Variants in CDCA4 observed in about 807,000 individuals in gnomAD.
CDCA4 encodes the protein cell division cycle associated 4.
For missense variants in CDCA4, 294 were observed against 322.1 expected (o/e 0.91, Z 0.67); for synonymous variants, 130 against 137.0 (o/e 0.95, Z 0.36).
intron 1 of CDCA4, among the ~76,000 whole-genome samples, chr14:105,013,383 C>G (rs1007468812): frequency 6.6e-6 from 1 of 152,216 alleles, no homozygotes; most frequent in Admixed American, 6.5e-5. Context: ...ACAGGACAAG[C>G]ATCTCACGCA....
Position 105,011,746 on chromosome 14 carries a change from T to A in CDCA4, c.184A>T (p.Ile62Phe). The A allele has an allele frequency of 6.2e-7, 1 of 1,613,728 alleles. No homozygotes were observed. Among genetic ancestry groups the A allele is most frequent in the Non-Finnish European group, 8.5e-7 (1 of 1,180,040 alleles). The change falls in exon 2 of 2, where the codon ATT becomes TTT. Residue 62 changes from isoleucine to phenylalanine, a missense_variant. Coordinates refer to ENST00000336219, the MANE Select transcript of CDCA4 (RefSeq NM_017955.4). The stretch of plus-strand genomic sequence containing the variant: ...TGGATCTGCCGGACCGTGTTGGCAA[T>A]GAGGACTGAGCGGCACAGGTTGGGC... The part of the protein sequence containing the change: ...VEPNLCRSVL[I>F]ANTVRQIQEE...
chr14:105,017,680 G>A (rs1449891453), intron 1 of CDCA4, among the ~76,000 whole-genome samples: 1 of 151,920 alleles, frequency 6.6e-6, no homozygotes, highest in Non-Finnish European at 1.5e-5. Context: ...AAATACAAAA[G>A]ATTAGTCAGG....
At chr14:105,013,177 A>C (rs2140908909) in intron 1 of CDCA4, among the ~76,000 whole-genome samples, 1 of 152,034 alleles carries the variant, frequency 6.6e-6, no homozygotes, top group Non-Finnish European at 1.5e-5. Flanking sequence ...GTCTACTCTC[A>C]GAAGTACAAG....
chr14:105,011,037 A>C lies in CDCA4; in HGVS notation c.*167T>G. On this transcript the variant is annotated 3_prime_UTR_variant, in exon 2 of 2. Transcript: ENST00000336219. ...GCTCCACAGGGGGGAGGTGAGTGGG[A>C]CGGGCCTAGGGCTGCAGCCCCACTG... The C allele has an allele frequency of 1.3e-6, 1 of 793,212 alleles. No individual in the cohort carries two copies. Among genetic ancestry groups the C allele is most frequent in the Non-Finnish European group, 1.9e-6 (1 of 515,560 alleles). The allele number at this position is 793,212 out of a possible 1,614,324, so 49.1% of individuals were successfully genotyped here.
intron 1 of CDCA4, among the ~76,000 whole-genome samples, chr14:105,012,520 G>A (rs1351553425): frequency 6.6e-6 from 1 of 152,184 alleles, no homozygotes; most frequent in Non-Finnish European, 1.5e-5. Context: ...TCTATATGTC[G>A]CAGACAGCCG....
intron 1 of CDCA4, among the ~76,000 whole-genome samples, chr14:105,019,726 T>A (rs1333535584): frequency 1.4e-5 from 2 of 146,698 alleles, no homozygotes; most frequent in Admixed American, 1.4e-4. Context: ...TTTTTTTGTT[T>A]TTTGAGACGG....
At chr14:105,018,062 G>A (rs1392636861) in intron 1 of CDCA4, among the ~76,000 whole-genome samples, 1 of 152,004 alleles carries the variant, frequency 6.6e-6, no homozygotes, top group Non-Finnish European at 1.5e-5. Context: ...TCTAAGTTGT[G>A]AAAACACAGA....
At position 105,011,478 on chromosome 14, in the gene CDCA4, G is replaced by A; in HGVS notation, c.452C>T (p.Pro151Leu). Residue 151 changes from proline to leucine, a missense_variant, in exon 2 of 2, where the codon CCT becomes CTT. Transcript: ENST00000336219. ...LQSSAWEMDGPRENRGSFHKS... is the reference protein window; with the variant it reads ...LQSSAWEMDGLRENRGSFHKS... ...GTGAAAGCTTCCTCTGTTTTCTCGA[G>A]GGCCATCCATCTCCCAGGCGCTGCT... 6.2e-7 allele frequency: 1 copy of A among 1,614,168 alleles called. No individual in the cohort carries two copies. Among genetic ancestry groups the A allele is most frequent in the Non-Finnish European group, 8.5e-7 (1 of 1,180,020 alleles).
chr14:105,021,062 T>C lies in CDCA4; in HGVS notation c.-70A>G, dbSNP rs1406408676. 1 of 152,518 alleles carries C rather than the reference T, an allele frequency of 6.6e-6. No homozygotes were observed. Among genetic ancestry groups the C allele is most frequent in the Non-Finnish European group, 1.5e-5 (1 of 68,044 alleles). 9.4% of individuals were successfully genotyped at this position (152,518 alleles called of 1,614,324 possible). A position where few individuals can be genotyped will look rare whatever the true frequency, so the allele number is the denominator to read the frequency against. ...CACCGCCACCGCCGCTGCCGCCAGCTTCCCGCCGCTGAGGAAGGAGCGCCC... is the reference window on the plus strand; with the variant it reads ...CACCGCCACCGCCGCTGCCGCCAGCCTCCCGCCGCTGAGGAAGGAGCGCCC... On this transcript the variant is annotated 5_prime_UTR_variant, in exon 1 of 2. Coordinates refer to ENST00000336219, the MANE Select transcript of CDCA4 (RefSeq NM_017955.4).
At chr14:105,015,368 CAACA>C (rs1258112726) in intron 1 of CDCA4, among the ~76,000 whole-genome samples, 2 of 39,058 alleles carry the variant, frequency 5.1e-5, no homozygotes, top group South Asian at 1.1e-3. Flanking sequence ...GGGAATATAC[CAACA>C]AACAATGGCG....
Position 105,017,505 on chromosome 14 carries a change from T to G in CDCA4, c.-7+3494A>C, listed in dbSNP as rs375453400. Among the ~76,000 whole-genome samples, 77 of 151,788 alleles carry G rather than the reference T, an allele frequency of 5.1e-4. 2 individuals are homozygous for G. Among genetic ancestry groups the G allele is most frequent in the African/African-American group, 1.8e-3 (74 of 41,402 alleles). ...TCCCAAAGTGCTAGGATTACAGGAG[T>G]GAGCCATCACACCCAGCCACAAGCA... On this transcript the variant is annotated intron_variant, in intron 1 of 1. Coordinates refer to ENST00000336219, the MANE Select transcript of CDCA4 (RefSeq NM_017955.4).
intron 1 of CDCA4, 107 bp downstream of exon 1, chr14:105,020,892 C>A (rs937379107): frequency 4.6e-5 from 7 of 151,872 alleles, no homozygotes; most frequent in African/African-American, 1.7e-4. Flanking sequence ...CCGGACCCAG[C>A]GCCAGGAGCC....
At chr14:105,014,277 G>C (rs375485118) in intron 1 of CDCA4, among the ~76,000 whole-genome samples, 7 of 152,350 alleles carry the variant, frequency 4.6e-5, no homozygotes, top group African/African-American at 1.4e-4. Flanking sequence ...TCATCACACG[G>C]ACCTGGGGCC....
rs1361775790 is a variant in CDCA4 at position 105,013,045 on chromosome 14, A to T, written c.-6-1110T>A. ...TCAGCACTGGCGCTGTTGGTTGAAG[A>T]TGCAGATTCCTGGATCTTACCCCAG... On this transcript the variant is annotated intron_variant, in intron 1 of 1. Coordinates refer to ENST00000336219, the MANE Select transcript of CDCA4 (RefSeq NM_017955.4). Among the ~76,000 whole-genome samples, 3 of 152,220 alleles carry T rather than the reference A, an allele frequency of 2.0e-5. No homozygotes were observed. The East Asian group carries it at 5.8e-4, about 29-fold the overall frequency.
chr14:105,018,227 T>G (rs61997768), intron 1 of CDCA4, among the ~76,000 whole-genome samples: 150,811 of 150,814 alleles, frequency 1, 75,404 homozygotes, highest in Middle Eastern at 1. Context: ...GGACGAGAGA[T>G]AATCCCCATC....
In CDCA4 at chr14:105,011,829, C is replaced by T. The variant is rs145318953; in HGVS notation, c.101G>A (p.Arg34Gln). The T allele has an allele frequency of 3.0e-5, 48 of 1,613,882 alleles. No individual in the cohort carries two copies. The African/African-American group carries it at 5.6e-4, about 19-fold the overall frequency. ...LKTVSSYSLQ[R>Q]QSLLDMSLVK... ...CAGAGACATGTCCAGGAGCGACTGC[C>T]GCTGCAGGCTGTATGAGGACACTGT... Residue 34 changes from arginine to glutamine, a missense_variant, in exon 2 of 2, where the codon CGG (arginine) becomes CAG (glutamine). Arg to Gln is a conservative substitution (Grantham distance 43, BLOSUM62 1). Transcript: ENST00000336219.
chr14:105,017,816 G>A (rs1482163741), intron 1 of CDCA4, among the ~76,000 whole-genome samples: 2 of 151,760 alleles, frequency 1.3e-5, no homozygotes, highest in Non-Finnish European at 2.9e-5. Flanking sequence ...GAACAACAGA[G>A]CGAGACTCCG....
At position 105,011,231 on chromosome 14, in the gene CDCA4, G is replaced by A. The variant is rs754534402; in HGVS notation, c.699C>T (p.His233=). 1.6e-5 allele frequency: 26 copies of A among 1,612,022 alleles called. No homozygotes were observed. The highest frequency in any genetic ancestry group is 5.3e-5 in the African/African-American group (4 of 74,920). Residue 233 remains histidine (H), a synonymous_variant, in exon 2 of 2, where the codon CAC becomes CAT. Transcript: ENST00000336219. Reference sequence around the variant, plus strand: ...AGGTCTCCACCAGGATCTCCACCACGTGGTCCAGCTCGCCCAGGTCGGACT... The same window carrying A: ...AGGTCTCCACCAGGATCTCCACCACATGGTCCAGCTCGCCCAGGTCGGACT... ...SCKSDLGELD[H]VVEILVET is the part of the protein sequence containing the mutation.
intron 1 of CDCA4, among the ~76,000 whole-genome samples, chr14:105,016,989 G>GT (rs1485759149): frequency 1.3e-5 from 2 of 152,154 alleles, no homozygotes; most frequent in Non-Finnish European, 2.9e-5. Flanking sequence ...ATGAACATTG[G>GT]TTTTTCATTT....
Sources: allele counts gnomAD v4.1 joint callset (sites outside exome capture counted in the v4.1 genomes callset), GRCh38; gene constraint gnomAD v4.1.1; transcripts MANE v1.5; gene names NCBI Gene and HGNC (gene_info 2026-07-23, HGNC 2026-07-21).